Variants in MEP1B observed in about 807,000 individuals in gnomAD.
MEP1B encodes meprin A subunit beta, also known as N-benzoyl-L-tyrosyl-P-amino-benzoic acid hydrolase subunit beta.
A neutral mutation model predicts 84.6 loss-of-function variants in MEP1B; 80 were observed. That is an observed-to-expected ratio of 0.95 (90% CI 0.79 to 1.14). The LOEUF (loss-of-function observed/expected upper bound fraction) is 1.14. MEP1B is among the 50% of genes most tolerant of loss of function. The probability of loss-of-function intolerance (pLI) is 0.00; values close to 1 mark genes in which losing one functional copy is unlikely to be tolerated. For missense variants in MEP1B, 766 were observed against 855.1 expected, an observed-to-expected ratio of 0.90 and a Z score of 1.30; for synonymous variants, 273 against 288.1, an observed-to-expected ratio of 0.95 and a Z score of 0.53.
chr18:32,216,992 C>T lies in MEP1B; in HGVS notation c.1761C>T (p.Asp587=). Residue 587 remains aspartate (D), a splice_region_variant and synonymous_variant, in exon 13 of 15, where the codon GAC becomes GAT. Coordinates refer to ENST00000269202, the MANE Select transcript of MEP1B (RefSeq NM_005925.3). ...CCACACTCTTCCCCATCTTCCTAGACATATCTCACCTCAACTCTACACAAA... is the reference window on the plus strand; with the variant it reads ...CCACACTCTTCCCCATCTTCCTAGATATATCTCACCTCAACTCTACACAAA... ...DDVYILLTVE[D]ISHLNSTQIQ... 1 of 1,613,752 alleles carries T rather than the reference C, an allele frequency of 6.2e-7. No homozygotes were observed. The highest frequency in any genetic ancestry group is 8.5e-7 in the Non-Finnish European group (1 of 1,179,752).
chr18:32,215,162 G>A lies in MEP1B; in HGVS notation c.1660G>A (p.Gly554Ser), dbSNP rs555439852. The change falls in exon 12 of 15, where the codon GGT becomes AGT. Residue 554 changes from glycine to serine, a missense_variant. Transcript: ENST00000269202. ...CTCTAATGGAACTCAGTTTAGAAGAGGTGGGGGCTATGGAACCAGTGCCTT... is the reference window on the plus strand; with the variant it reads ...CTCTAATGGAACTCAGTTTAGAAGAAGTGGGGGCTATGGAACCAGTGCCTT... ...LFSNGTQFRR[G>S]GGYGTSAFIT... The A allele has an allele frequency of 1.2e-6, 2 of 1,611,156 alleles. No homozygotes were observed. The highest frequency in any genetic ancestry group is 2.7e-5 in the African/African-American group (2 of 74,900).
At chr18:32,210,425 C>A in intron 9 of MEP1B, 76 bp from the exon 10 acceptor site, 2 of 1,257,530 alleles carry the variant, frequency 1.6e-6, no homozygotes, top group Non-Finnish European at 2.2e-6. Flanking sequence ...CGTAAAGAAT[C>A]TAGCACCACC....
chr18:32,199,043 C>A (rs1195505955), intron 5 of MEP1B, among the ~76,000 whole-genome samples: 8 of 152,122 alleles, frequency 5.3e-5, no homozygotes, highest in Non-Finnish European at 1.0e-4. Context: ...ATGGTAACGT[C>A]TTCAACAAGA....
Position 32,192,633 on chromosome 18 carries a change from G to A in MEP1B, c.83-13G>A, listed in dbSNP as rs757624808. On this transcript the variant is annotated splice_polypyrimidine_tract_variant and intron_variant, in intron 2 of 14. Coordinates refer to ENST00000269202, the MANE Select transcript of MEP1B (RefSeq NM_005925.3). ...TAATGTTCAATTTTTTGTTGTTGTT[G>A]TTTTAATCAAAGATGTAGATGGCGG... 2 of 1,611,368 alleles carry A rather than the reference G, an allele frequency of 1.2e-6. No homozygotes were observed. The highest frequency in any genetic ancestry group is 2.2e-5 in the East Asian group (1 of 44,790).
chr18:32,211,146 T>C (rs2041022882), intron 10 of MEP1B, among the ~76,000 whole-genome samples: 1 of 152,116 alleles, frequency 6.6e-6, no homozygotes, highest in Admixed American at 6.6e-5. Flanking sequence ...CACACGCCTA[T>C]AGTCCCAGCT....
Position 32,196,615 on chromosome 18 carries a change from C to T in MEP1B, c.250+1130C>T. ...CACAGCGACAGGTCGTACTCCATCA[C>T]CCTGTGCAGCACCCGCCTGATGTTG... is the stretch of plus-strand genomic sequence containing the variant. On this transcript the variant is annotated intron_variant, in intron 5 of 14. Transcript: ENST00000269202. The surrounding 1 kb of genome is among the most constrained non-coding windows in gnomAD (Gnocchi z 4.4). 1 of 722,106 alleles carries T rather than the reference C, an allele frequency of 1.4e-6. No individual in the cohort carries two copies. The highest frequency in any genetic ancestry group is 2.6e-5 in the East Asian group (1 of 39,106). 44.7% of individuals were successfully genotyped at this position (722,106 alleles called of 1,614,324 possible).
intron 1 of MEP1B, among the ~76,000 whole-genome samples, chr18:32,191,449 G>A (rs1242723689): frequency 1.3e-5 from 2 of 151,962 alleles, no homozygotes; most frequent in South Asian, 2.1e-4. Context: ...TCAACATTGA[G>A]AATAAATTAT....
chr18:32,216,757 C>T (rs2041093557), intron 12 of MEP1B, among the ~76,000 whole-genome samples: 1 of 152,000 alleles, frequency 6.6e-6, no homozygotes, highest in Non-Finnish European at 1.5e-5. Flanking sequence ...TAAGATTGGG[C>T]TTGGCATCAT....
At chr18:32,209,799 G>A (rs1249232289) in intron 9 of MEP1B, among the ~76,000 whole-genome samples, 1 of 133,040 alleles carries the variant, frequency 7.5e-6, no homozygotes, top group African/African-American at 3.3e-5. Context: ...AAAGAAGTTA[G>A]AAAGTGTTTA....
At chr18:32,212,560 T>C (rs746333180) in intron 10 of MEP1B, among the ~76,000 whole-genome samples, 2 of 152,216 alleles carry the variant, frequency 1.3e-5, no homozygotes, top group Non-Finnish European at 2.9e-5. Context: ...AAATATCAGA[T>C]AAATACTTAC....
chr18:32,210,463 G>A, intron 9 of MEP1B, 38 bp from the exon 10 acceptor site: 1 of 1,550,218 alleles, frequency 6.5e-7, no homozygotes, highest in South Asian at 1.1e-5. Flanking sequence ...CCTATACCCA[G>A]TATCTGTTTT....
chr18:32,213,938 T>A (rs1411315711), intron 11 of MEP1B, among the ~76,000 whole-genome samples: 1 of 152,212 alleles, frequency 6.6e-6, no homozygotes, highest in Non-Finnish European at 1.5e-5. Flanking sequence ...TCCTCAGCTG[T>A]AAAGCCAGGG....
chr18:32,217,942 C>T lies in MEP1B; in HGVS notation c.2068C>T (p.Arg690Ter), dbSNP rs1436713791. 9.3e-6 allele frequency: 15 copies of T among 1,613,730 alleles called. No individual in the cohort carries two copies. In the African/African-American group the frequency reaches 1.2e-4, roughly 13 times the overall value. Residue 690 changes from arginine (R) to a stop codon, truncating the protein, a stop_gained, in exon 14 of 15, where the codon CGA (arginine) becomes TGA (stop). Transcript: ENST00000269202. LOFTEE classifies it low-confidence loss of function (END_TRUNC). ...KKYRERMSSN[R>*]PNLTPQNQHA... ...ATATCGTGAAAGGATGAGCTCAAATCGACCAAATTTGACTCCGCAAAATGT... is the reference window on the plus strand; with the variant it reads ...ATATCGTGAAAGGATGAGCTCAAATTGACCAAATTTGACTCCGCAAAATGT...
In MEP1B at chr18:32,204,351, A is replaced by C. The variant is rs766812095; in HGVS notation, c.538A>C (p.Ile180Leu). 1.3e-6 allele frequency: 2 copies of C among 1,590,108 alleles called. No homozygotes were observed. Among genetic ancestry groups the C allele is most frequent in the South Asian group, 2.3e-5 (2 of 86,850 alleles). ...CTATGTCAGGATAATGTGGGACAGA[A>C]TTCTGTCAGGTACATTTCTCTTTTT... Reference protein sequence around the residue: ...DDYVRIMWDRILSGREHNFNT... With the variant: ...DDYVRIMWDRLLSGREHNFNT... Residue 180 changes from isoleucine (I) to leucine (L), a missense_variant, in exon 7 of 15, where the codon ATT becomes CTT. Physicochemically the swap from Ile to Leu is conservative, Grantham distance 5. Transcript: ENST00000269202.
chr18:32,211,887 T>C (rs1460490765), intron 10 of MEP1B, among the ~76,000 whole-genome samples: 1 of 152,038 alleles, frequency 6.6e-6, no homozygotes, highest in East Asian at 1.9e-4. Context: ...TTCCTCCTGT[T>C]TTCAACAATG....
intron 7 of MEP1B, among the ~76,000 whole-genome samples, chr18:32,206,127 G>A (rs547602187): frequency 2.6e-5 from 4 of 151,954 alleles, no homozygotes; most frequent in East Asian, 1.9e-4. Context: ...GATTATAGGC[G>A]CCCGCCACCA....
chr18:32,196,159 A>G lies in MEP1B; in HGVS notation c.250+674A>G, dbSNP rs1598887168. The G allele has an allele frequency of 1.7e-6, 1 of 600,008 alleles. No individual in the cohort carries two copies. Among genetic ancestry groups the G allele is most frequent in the Non-Finnish European group, 3.1e-6 (1 of 320,856 alleles). The allele number at this position is 600,008 out of a possible 1,614,324, so 37.2% of individuals were successfully genotyped here. On this transcript the variant is annotated intron_variant, in intron 5 of 14. Transcript: ENST00000269202. This position sits in a 1 kb window ranked among gnomAD's most constrained non-coding sequence, Gnocchi z 4.4. ...ATCCCTGTTTCTGCTGGCCTTCTGG[A>G]GCTGGTGTCACTGCGCCACCTCGGC...
At chr18:32,202,500 A>C (rs1237912521) in intron 5 of MEP1B, among the ~76,000 whole-genome samples, 1 of 152,214 alleles carries the variant, frequency 6.6e-6, no homozygotes, top group Non-Finnish European at 1.5e-5. Flanking sequence ...TCCCATCTGA[A>C]GATCCTCAGA....
Position 32,213,269 on chromosome 18 carries a change from A to G in MEP1B, c.1289A>G (p.His430Arg), listed in dbSNP as rs749550674. ...CTTTCGGAAACACGGTGCCCTCATC[A>G]TATCTGGCATATAAGGAATTTCACA... ...INLSETRCPH[H>R]IWHIRNFTQF... is the part of the protein sequence containing the mutation. Residue 430 changes from histidine to arginine, a missense_variant, in exon 11 of 15, where the codon CAT becomes CGT. His to Arg is a conservative substitution (Grantham distance 29). Coordinates refer to ENST00000269202, the MANE Select transcript of MEP1B (RefSeq NM_005925.3). The G allele has an allele frequency of 6.2e-7, 1 of 1,614,012 alleles. No individual in the cohort carries two copies.
Sources: gnomAD v4.1 joint callset for allele counts (sites outside exome capture counted in the v4.1 genomes callset) on GRCh38, gnomAD v4.1.1 for gene constraint, Gnocchi (gnomAD v3.1) non-coding constraint, MANE v1.5 for transcripts, NCBI Gene and HGNC (gene_info 2026-07-23, HGNC 2026-07-21) for gene names.